Variants in DNTTIP1 observed in about 807,000 individuals in gnomAD.
DNTTIP1 encodes deoxynucleotidyltransferase terminal interacting protein 1, also known as deoxynucleotidyltransferase terminal-interacting protein 1.
A neutral mutation model predicts 52.9 loss-of-function variants in DNTTIP1; 22 were observed. The observed-to-expected ratio is 0.42, with a 90% CI of 0.30 to 0.59. The LOEUF (loss-of-function observed/expected upper bound fraction) is 0.59. DNTTIP1 is among the 20% of genes least tolerant of loss of function. DNTTIP1 has a pLI of 0.22. For synonymous variants in DNTTIP1, 136 were observed against 155.1 expected (o/e 0.88, Z 0.92); for missense variants, 286 against 435.5 (o/e 0.66, Z 3.06).
intron 10 of DNTTIP1, among the ~76,000 whole-genome samples, chr20:45,808,082 C>T (rs956541990): frequency 2.6e-4 from 39 of 152,016 alleles, no homozygotes; most frequent in African/African-American, 8.9e-4. Context: ...CACAGTAGCT[C>T]ATACCTGTAA....
At chr20:45,802,255 T>C (rs1981500022) in intron 7 of DNTTIP1, among the ~76,000 whole-genome samples, 198 bp downstream of exon 7, 1 of 152,202 alleles carries the variant, frequency 6.6e-6, no homozygotes. Context: ...CTGAACGGTT[T>C]GGCCCAGCTT....
At position 45,792,740 on chromosome 20, in the gene DNTTIP1, A is replaced by G; in HGVS notation, c.169A>G (p.Thr57Ala). 2 of 1,611,898 alleles carry G rather than the reference A, an allele frequency of 1.2e-6. No homozygotes were observed. Among genetic ancestry groups the G allele is most frequent in the Admixed American group, 1.7e-5 (1 of 59,476 alleles). The change falls in exon 2 of 13, where the codon ACA (threonine) becomes GCA (alanine). Residue 57 changes from threonine to alanine, a missense_variant. Around this residue, in one of 2 missense-constraint regions of DNTTIP1, gnomAD observed 208 missense variants for 266.5 expected, o/e 0.78. Coordinates refer to ENST00000372622, the MANE Select transcript of DNTTIP1 (RefSeq NM_052951.3). Reference protein sequence around the residue: ...VQRRGRRSQMTTSFTDPAISM... With the variant: ...VQRRGRRSQMATSFTDPAISM... The stretch of plus-strand genomic sequence containing the variant: ...GCGGAGGGGCCGCCGCTCACAGATG[A>G]CAACAAGGTAAGGCTGGCCCTGCAT...
At position 45,792,681 on chromosome 20, in the gene DNTTIP1, CT is replaced by C. The variant is rs1568703924; in HGVS notation, c.112del (p.Trp38GlyfsTer3). 1 of 1,611,422 alleles carries C rather than the reference CT, an allele frequency of 6.2e-7. No individual in the cohort carries two copies. The highest frequency in any genetic ancestry group is 2.2e-5 in the East Asian group (1 of 44,718). On this transcript the variant is annotated frameshift_variant, in exon 2 of 13. Coordinates refer to ENST00000372622, the MANE Select transcript of DNTTIP1 (RefSeq NM_052951.3). LOFTEE classifies it high-confidence loss of function. Reference sequence around the variant, plus strand: ...TTGTTCCGTTGGTCCCCACAGAACCCTTGGAACATAATGATAAAGCACCGGC... The same window carrying C: ...TTGTTCCGTTGGTCCCCACAGAACCCTGGAACATAATGATAAAGCACCGGC... ...GAAGQLVLTN[P>X]WNIMIKHRQV...
At chr20:45,810,563 T>C (rs1981788923) in intron 11 of DNTTIP1, among the ~76,000 whole-genome samples, 1 of 94,220 alleles carries the variant, frequency 1.1e-5, no homozygotes, top group African/African-American at 4.3e-5. Context: ...ATCCCTTTTT[T>C]TTTCTTTTTT....
intron 1 of DNTTIP1, chr20:45,792,423 T>C: frequency 2.1e-6 from 1 of 481,012 alleles, no homozygotes; most frequent in Non-Finnish European, 3.7e-6. Flanking sequence ...GACACAGAGT[T>C]GACCCTCGGT....
At position 45,805,224 on chromosome 20, in the gene DNTTIP1, C is replaced by T; in HGVS notation, c.662+20C>T. The T allele has an allele frequency of 4.3e-6, 7 of 1,614,122 alleles. No homozygotes were observed. Among genetic ancestry groups the T allele is most frequent in the Non-Finnish European group, 5.1e-6 (6 of 1,179,970 alleles). ...CAACAAGTAAGTTTAAGAGCTTTGG[C>T]ACTGATTGAGGAAACAGCTCAGGAG... is the stretch of plus-strand genomic sequence containing the variant. On this transcript the variant is annotated intron_variant, in intron 9 of 12. Transcript: ENST00000372622.
intron 4 of DNTTIP1, among the ~76,000 whole-genome samples, chr20:45,800,676 AT>A (rs1280687736): frequency 1.8e-4 from 9 of 49,402 alleles, no homozygotes; most frequent in Non-Finnish European, 3.0e-4. Context: ...CTCCATCTCA[AT>A]TTAAAAAAAA....
chr20:45,809,151 A>G lies in DNTTIP1; in HGVS notation c.761A>G (p.Glu254Gly). 1 of 1,614,170 alleles carries G rather than the reference A, an allele frequency of 6.2e-7. No individual in the cohort carries two copies. Among genetic ancestry groups the G allele is most frequent in the Non-Finnish European group, 8.5e-7 (1 of 1,180,032 alleles). The change falls in exon 11 of 13, where the codon GAG becomes GGG. Residue 254 changes from glutamate (E) to glycine (G), a missense_variant. By Grantham distance (98) the Glu-to-Gly change is moderately conservative (BLOSUM62 -2). This residue lies in a region of DNTTIP1 where 78 missense variants were observed against 169.0 expected (regional missense o/e 0.46). Transcript: ENST00000372622. The surrounding 1 kb of genome is among the most constrained non-coding windows in gnomAD (Gnocchi z 4.2). The stretch of plus-strand genomic sequence containing the variant: ...CCCCAGGATAAGCACTGGCTGGCTG[A>G]GCAGCATCACATGCGGGCAACAGGG... The part of the protein sequence containing the change: ...ADPQDKHWLA[E>G]QHHMRATGGK...
chr20:45,797,055 A>G (rs910470096), intron 4 of DNTTIP1, among the ~76,000 whole-genome samples: 18 of 152,124 alleles, frequency 1.2e-4, no homozygotes, highest in Admixed American at 1.2e-3. Context: ...TTGGAAGCCA[A>G]TTCAGCCGCT....
At chr20:45,797,680 C>A (rs6032549) in intron 4 of DNTTIP1, among the ~76,000 whole-genome samples, 70,002 of 152,064 alleles carry the variant, frequency 0.46, 18,631 homozygotes, top group Non-Finnish European at 0.6. Context: ...AGGACATGAA[C>A]AGACACTCCT....
intron 10 of DNTTIP1, among the ~76,000 whole-genome samples, chr20:45,808,419 T>A (rs940703577): frequency 3.3e-5 from 5 of 152,116 alleles, no homozygotes; most frequent in African/African-American, 1.2e-4. Context: ...GGTGGGCAGA[T>A]CACCTGAGGT....
chr20:45,798,844 C>G (rs1402290990), intron 4 of DNTTIP1, among the ~76,000 whole-genome samples: 1 of 152,192 alleles, frequency 6.6e-6, no homozygotes, highest in Non-Finnish European at 1.5e-5. Flanking sequence ...AGTATGTGTA[C>G]AGAGTTTGCT....
chr20:45,803,440 A>G, intron 8 of DNTTIP1, 62 bp downstream of exon 8: 1 of 1,590,720 alleles, frequency 6.3e-7, no homozygotes, highest in South Asian at 1.1e-5. Flanking sequence ...TATCTCTAGG[A>G]CCCACCATGA....
At chr20:45,805,043 A>G (rs968284379) in intron 8 of DNTTIP1, 103 bp from the exon 9 acceptor site, 1 of 1,014,932 alleles carries the variant, frequency 9.9e-7, no homozygotes, top group Non-Finnish European at 1.6e-6. Context: ...TTGATTAAAT[A>G]ATAGACAAGG....
At chr20:45,805,020 C>T in intron 8 of DNTTIP1, 126 bp from the exon 9 acceptor site, 2 of 845,550 alleles carry the variant, frequency 2.4e-6, no homozygotes. Context: ...TACTCAGTGT[C>T]TTGGGTCAAC....
Position 45,791,993 on chromosome 20 carries a change from G to C in DNTTIP1, c.-12G>C. ...GACAGAGTCCAGCGGAGTTGTGGGGGCCGGGGGCGCCATGGGAGCCACTGG... is the reference window on the plus strand; with the variant it reads ...GACAGAGTCCAGCGGAGTTGTGGGGCCCGGGGGCGCCATGGGAGCCACTGG... On this transcript the variant is annotated 5_prime_UTR_variant, in exon 1 of 13. Transcript: ENST00000372622. The C allele has an allele frequency of 2.4e-6, 3 of 1,248,796 alleles. No homozygotes were observed. Among genetic ancestry groups the C allele is most frequent in the Non-Finnish European group, 3.0e-6 (3 of 994,348 alleles). The allele number at this position is 1,248,796 out of a possible 1,614,324, so 77.4% of individuals were successfully genotyped here.
intron 4 of DNTTIP1, among the ~76,000 whole-genome samples, chr20:45,795,688 G>T (rs1408920755): frequency 6.6e-6 from 1 of 152,128 alleles, no homozygotes; most frequent in Non-Finnish European, 1.5e-5. Context: ...AATCCTAGCT[G>T]CTTGGGAGCC....
intron 10 of DNTTIP1, among the ~76,000 whole-genome samples, chr20:45,807,869 C>G (rs1285768046): frequency 6.6e-6 from 1 of 151,962 alleles, no homozygotes; most frequent in African/African-American, 2.4e-5. Flanking sequence ...GGAGAATTGC[C>G]TAAACCCAGG....
chr20:45,804,236 C>T (rs1210386781), intron 8 of DNTTIP1, among the ~76,000 whole-genome samples: 1 of 152,150 alleles, frequency 6.6e-6, no homozygotes, highest in Non-Finnish European at 1.5e-5. Context: ...CCCTTCTTTA[C>T]ATTCGTTATC....
Sources: allele counts gnomAD v4.1 joint callset (sites outside exome capture counted in the v4.1 genomes callset), GRCh38; gene constraint gnomAD v4.1.1; regional missense constraint gnomAD v4.1.1; non-coding constraint Gnocchi (gnomAD v3.1); transcripts MANE v1.5; gene names NCBI Gene and HGNC (gene_info 2026-07-23, HGNC 2026-07-21).